The following SEMA3D variants were observed in gnomAD, a reference collection of about 807,000 sequenced individuals.
The protein encoded by SEMA3D is semaphorin-3D.
SEMA3D carries 84 observed loss-of-function variants against 100.1 expected under a neutral mutation model. The observed-to-expected ratio is 0.84, with a 90% CI of 0.70 to 1.01. The LOEUF (loss-of-function observed/expected upper bound fraction) is 1.01, where lower values mean the gene tolerates loss of function less well. SEMA3D is among the 50% of genes least tolerant of loss of function. The pLI is 0.00. For synonymous variants in SEMA3D, 312 were observed against 320.7 expected (o/e 0.97, Z 0.29); for missense variants, 875 against 934.1 (o/e 0.94, Z 0.82).
chr7:85,171,944 G>A (rs185144591), intron 1 of SEMA3D, among the ~76,000 whole-genome samples: 4 of 150,060 alleles, frequency 2.7e-5, no homozygotes, highest in South Asian at 2.1e-4. Context: ...ATGCTAAAGC[G>A]GTGTGTGTGT....
intron 16 of SEMA3D, among the ~76,000 whole-genome samples, chr7:85,014,762 T>G (rs528445950): frequency 6.6e-6 from 1 of 151,036 alleles, no homozygotes; most frequent in East Asian, 2.0e-4. Context: ...AAAGGCAAAA[T>G]AGTGAATAAA....
chr7:85,120,217 T>A (rs1789369546), intron 3 of SEMA3D, among the ~76,000 whole-genome samples: 1 of 152,170 alleles, frequency 6.6e-6, no homozygotes, highest in African/African-American at 2.4e-5. Flanking sequence ...CTATTTATAC[T>A]GGCAAGGTTA....
At chr7:85,133,962 A>T (rs1277689238) in intron 2 of SEMA3D, among the ~76,000 whole-genome samples, 1 of 151,962 alleles carries the variant, frequency 6.6e-6, no homozygotes, top group African/African-American at 2.4e-5. Flanking sequence ...GAAGTCTGGA[A>T]ACTCCCATAT....
intron 5 of SEMA3D, among the ~76,000 whole-genome samples, chr7:85,075,836 C>T (rs972422794): frequency 6.6e-6 from 1 of 152,198 alleles, no homozygotes; most frequent in African/African-American, 2.4e-5. Flanking sequence ...TTAAGCCAAA[C>T]AATACTTGTT....
At chr7:85,181,347 C>CACACAA (rs1554352316) in intron 1 of SEMA3D, among the ~76,000 whole-genome samples, 32,182 of 146,072 alleles carry the variant, frequency 0.22, 3,687 homozygotes, top group Non-Finnish European at 0.26. Context: ...CACACACACA[C>CACACAA]ACACACACAC....
chr7:85,220,780 A>C, the SEMA3D span, among the ~76,000 whole-genome samples: 4 of 152,156 alleles, frequency 2.6e-5, no homozygotes, highest in South Asian at 8.3e-4. Context: ...TTGACAGAGA[A>C]GGAAAGGAGC....
At chr7:85,214,916 C>T in the SEMA3D span, among the ~76,000 whole-genome samples, 64 of 152,148 alleles carry the variant, frequency 4.2e-4, no homozygotes, top group African/African-American at 1.5e-3. Flanking sequence ...TTCTTTTTGG[C>T]CTCTTCATAT....
intron 12 of SEMA3D, among the ~76,000 whole-genome samples, chr7:85,034,015 A>C (rs991408800): frequency 6.6e-6 from 1 of 152,132 alleles, no homozygotes; most frequent in Non-Finnish European, 1.5e-5. Context: ...TATGATAGTA[A>C]ATAGCCAAGA....
chr7:85,104,778 T>TA (rs201613949), intron 3 of SEMA3D, among the ~76,000 whole-genome samples: 74 of 144,458 alleles, frequency 5.1e-4, no homozygotes, highest in African/African-American at 1.2e-3. Context: ...CTACATAGAT[T>TA]AAAAAAAAAA....
chr7:85,035,403 A>G (rs79460674), intron 12 of SEMA3D, among the ~76,000 whole-genome samples: 6,058 of 151,984 alleles, frequency 0.04, 355 homozygotes, highest in East Asian at 0.22. Flanking sequence ...TCATCCTTGA[A>G]AAACAAGGAA....
At chr7:85,145,251 G>A (rs7791983) in intron 2 of SEMA3D, among the ~76,000 whole-genome samples, 87,249 of 151,624 alleles carry the variant, frequency 0.58, 26,361 homozygotes, top group African/African-American at 0.77. Context: ...AAAAAAATGC[G>A]TGAATGAAAA....
At chr7:85,127,502 CTT>C (rs1175931961) in intron 2 of SEMA3D, among the ~76,000 whole-genome samples, 1 of 152,006 alleles carries the variant, frequency 6.6e-6, no homozygotes, top group Non-Finnish European at 1.5e-5. Flanking sequence ...TGTGTAATCT[CTT>C]AGGTTTAAGC....
chr7:85,246,285 T>C, the SEMA3D span, among the ~76,000 whole-genome samples: 2 of 152,062 alleles, frequency 1.3e-5, no homozygotes, highest in African/African-American at 4.8e-5. Flanking sequence ...AGTTATTCAT[T>C]CAGATGAGTT....
At chr7:85,109,333 C>T (rs973757685) in intron 3 of SEMA3D, among the ~76,000 whole-genome samples, 5 of 151,852 alleles carry the variant, frequency 3.3e-5, no homozygotes, top group African/African-American at 4.8e-5. Flanking sequence ...TCACCCATTA[C>T]AGCTATATTT....
chr7:85,116,877 G>A (rs1336867968), intron 3 of SEMA3D, among the ~76,000 whole-genome samples: 1 of 152,040 alleles, frequency 6.6e-6, no homozygotes, highest in East Asian at 1.9e-4. Context: ...GATTTGCATA[G>A]GTGTCTTTTA....
intron 4 of SEMA3D, among the ~76,000 whole-genome samples, chr7:85,083,587 G>A (rs1199486858): frequency 6.7e-6 from 1 of 149,076 alleles, no homozygotes; most frequent in Non-Finnish European, 1.5e-5. Context: ...GCTCACGCCT[G>A]TAATCCCAGC....
At chr7:85,051,137 T>A (rs909516710) in intron 9 of SEMA3D, among the ~76,000 whole-genome samples, 1 of 151,896 alleles carries the variant, frequency 6.6e-6, no homozygotes, top group Admixed American at 6.6e-5. Flanking sequence ...ATTCATATGA[T>A]CTTATTAAAG....
the SEMA3D span, among the ~76,000 whole-genome samples, chr7:85,219,533 A>G: frequency 1.3e-5 from 2 of 152,134 alleles, no homozygotes; most frequent in South Asian, 2.1e-4. Flanking sequence ...AACTTACTTT[A>G]TAAATGGAAT....
At chr7:85,169,734 C>A (rs1236386265) in intron 1 of SEMA3D, among the ~76,000 whole-genome samples, 1 of 151,660 alleles carries the variant, frequency 6.6e-6, no homozygotes, top group Admixed American at 6.6e-5. Context: ...ACATACAACT[C>A]AGGATTTTAG....
Sources: gnomAD v4.1 joint callset for allele counts (sites outside exome capture counted in the v4.1 genomes callset) on GRCh38, gnomAD v4.1.1 for gene constraint, MANE v1.5 for transcripts, NCBI Gene and HGNC (gene_info 2026-07-23, HGNC 2026-07-21) for gene names.